Variants in ZAP70 observed in about 807,000 individuals in gnomAD.
The protein encoded by ZAP70 is zeta chain of T cell receptor associated protein kinase 70, also known as tyrosine-protein kinase ZAP-70.
Under a neutral mutation model 65.8 loss-of-function variants are expected in ZAP70, and 27 were observed. The ratio of observed to expected loss-of-function variants is 0.41; its 90% CI spans 0.30 to 0.57. ZAP70 has a LOEUF of 0.57. Among genes scored for constraint, ZAP70 ranks in the 20% least tolerant of loss-of-function variants. ZAP70 has a pLI of 0.28. For synonymous variants in ZAP70, 363 were observed against 360.8 expected (o/e 1.01, Z -0.07); for missense variants, 696 against 870.5 (o/e 0.80, Z 2.52).
At chr2:97,729,947 C>T (rs1677536137) in intron 4 of ZAP70, among the ~76,000 whole-genome samples, 1 of 152,192 alleles carries the variant, frequency 6.6e-6, no homozygotes, top group South Asian at 2.1e-4. Context: ...TCATTTACAG[C>T]CAAGTGTGAT....
the ZAP70 span, among the ~76,000 whole-genome samples, chr2:97,745,784 T>C: frequency 1.3e-5 from 2 of 152,316 alleles, no homozygotes; most frequent in African/African-American, 4.8e-5. Flanking sequence ...GGGCTGACCA[T>C]CGACCCGGCA....
downstream of ZAP70, among the ~76,000 whole-genome samples, chr2:97,741,685 G>A (rs1185645605): frequency 1.3e-5 from 2 of 152,270 alleles, no homozygotes; most frequent in Non-Finnish European, 2.9e-5. Context: ...AACGCAGCCT[G>A]GGCTGGTAAG....
Position 97,737,533 on chromosome 2 carries a change from G to GT in ZAP70, c.1351dup (p.Tyr451LeufsTer11). 1.2e-6 allele frequency: 2 copies of GT among 1,614,164 alleles called. No homozygotes were observed. The highest frequency in any genetic ancestry group is 1.7e-6 in the Non-Finnish European group (2 of 1,179,992). On this transcript the variant is annotated frameshift_variant, in exon 11 of 14. Coordinates refer to ENST00000264972, the MANE Select transcript of ZAP70 (RefSeq NM_001079.4). LOFTEE classifies it high-confidence loss of function. This position sits in a 1 kb window ranked among gnomAD's most constrained non-coding sequence, Gnocchi z 5.0. Reference sequence around the variant, plus strand: ...TGCACCAGGTGTCCATGGGGATGAAGTACCTGGAGGAGAAGAACTTTGTGC... The same window carrying GT: ...TGCACCAGGTGTCCATGGGGATGAAGTTACCTGGAGGAGAAGAACTTTGTGC...
chr2:97,728,410 C>A (rs181831501), intron 4 of ZAP70, among the ~76,000 whole-genome samples: 1 of 152,202 alleles, frequency 6.6e-6, no homozygotes, highest in Non-Finnish European at 1.5e-5. Context: ...CGTCAAGAGA[C>A]GAAGCAGCTA....
At chr2:97,714,699 G>A (rs760191951) in intron 2 of ZAP70, among the ~76,000 whole-genome samples, 22 of 152,204 alleles carry the variant, frequency 1.4e-4, no homozygotes, top group Non-Finnish European at 3.2e-4. Context: ...CATTACTCTC[G>A]TCTTGGTTGG....
chr2:97,734,786 C>T (rs1008492987), intron 9 of ZAP70, 74 bp downstream of exon 9: 18 of 1,572,152 alleles, frequency 1.1e-5, no homozygotes, highest in South Asian at 8.9e-5. Context: ...GGCTGTGGGA[C>T]GGGAGCCGGG....
Position 97,718,593 on chromosome 2 carries a change from G to A in ZAP70, c.-22+4599G>A, listed in dbSNP as rs559470500. The stretch of plus-strand genomic sequence containing the variant: ...GGGACAGGGAAGCTGGGACGCAGCC[G>A]AGATGCACAGGAAGAGAGCCTGCCT... On this transcript the variant is annotated intron_variant, in intron 2 of 13. Coordinates refer to ENST00000264972, the MANE Select transcript of ZAP70 (RefSeq NM_001079.4). Among the ~76,000 whole-genome samples, 30 of 152,252 alleles carry A rather than the reference G, an allele frequency of 2.0e-4. No homozygotes were observed. The East Asian group carries it at 4.4e-3, about 23-fold the overall frequency.
At position 97,734,539 on chromosome 2, in the gene ZAP70, C is replaced by T; in HGVS notation, c.909C>T (p.Asp303=). The part of the protein sequence containing the change: ...TPEPARITSP[D]KPRPMPMDTS... ...GCCCAGCACGCATAACGTCCCCAGA[C>T]AAACCGCGGCCGATGCCCATGGACA... The change falls in exon 9 of 14, where the codon GAC becomes GAT. Residue 303 remains aspartate, a synonymous_variant. Coordinates refer to ENST00000264972, the MANE Select transcript of ZAP70 (RefSeq NM_001079.4). 6.2e-7 allele frequency: 1 copy of T among 1,613,998 alleles called. No homozygotes were observed. Among genetic ancestry groups the T allele is most frequent in the Non-Finnish European group, 8.5e-7 (1 of 1,179,976 alleles).
At chr2:97,726,317 T>C (rs1336729717) in intron 4 of ZAP70, among the ~76,000 whole-genome samples, 1 of 152,212 alleles carries the variant, frequency 6.6e-6, no homozygotes, top group Non-Finnish European at 1.5e-5. Flanking sequence ...GGACACGGGA[T>C]CTTTTCTGTA....
At chr2:97,726,896 C>A (rs1311700955) in intron 4 of ZAP70, among the ~76,000 whole-genome samples, 4 of 152,226 alleles carry the variant, frequency 2.6e-5, no homozygotes, top group Non-Finnish European at 5.9e-5. Context: ...GATTTATTGG[C>A]TCAAAATGAC....
At chr2:97,721,355 A>C (rs1192175089) in intron 2 of ZAP70, among the ~76,000 whole-genome samples, 4 of 152,162 alleles carry the variant, frequency 2.6e-5, no homozygotes, top group Admixed American at 2.0e-4. Context: ...CACTCGATAC[A>C]CATTTTCCCA....
At chr2:97,720,264 G>A (rs1677107663) in intron 2 of ZAP70, among the ~76,000 whole-genome samples, 1 of 152,032 alleles carries the variant, frequency 6.6e-6, no homozygotes, top group African/African-American at 2.4e-5. Context: ...GTTTTGCTCT[G>A]TTGCCCAGGC....
the ZAP70 span, among the ~76,000 whole-genome samples, chr2:97,753,473 C>T: frequency 1.3e-5 from 2 of 152,190 alleles, no homozygotes; most frequent in Admixed American, 6.5e-5. Flanking sequence ...AGACCTTAAC[C>T]TTTTAGCTCC....
At chr2:97,740,664 T>C (rs1678105909), downstream of ZAP70, among the ~76,000 whole-genome samples, 1 of 151,922 alleles carries the variant, frequency 6.6e-6, no homozygotes, top group Non-Finnish European at 1.5e-5. Flanking sequence ...CGAAAGAGGG[T>C]GCAGTTCCGC....
downstream of ZAP70, among the ~76,000 whole-genome samples, chr2:97,741,753 C>T (rs1678136220): frequency 6.6e-6 from 1 of 152,264 alleles, no homozygotes; most frequent in South Asian, 2.1e-4. Context: ...GACCCCCATT[C>T]CCTTTACCGT....
intron 2 of ZAP70, among the ~76,000 whole-genome samples, chr2:97,719,553 T>TGGG (rs148330791): frequency 8.1e-4 from 72 of 89,166 alleles, no homozygotes; most frequent in African/African-American, 2.9e-3. Flanking sequence ...GAGAACAGCC[T>TGGG]GGGGGGGGGG....
At chr2:97,735,934 C>T (rs1463291836) in intron 10 of ZAP70, among the ~76,000 whole-genome samples, 4 of 152,074 alleles carry the variant, frequency 2.6e-5, no homozygotes, top group Non-Finnish European at 5.9e-5. Flanking sequence ...CTTGAACCCA[C>T]GAGGCGGAGC....
Position 97,737,424 on chromosome 2 carries a change from A to C in ZAP70, c.1290-49A>C. On this transcript the variant is annotated intron_variant, in intron 10 of 13. Transcript: ENST00000264972. The surrounding 1 kb of genome is among the most constrained non-coding windows in gnomAD (Gnocchi z 5.0). ...CAGAGAAGCATGCTTTGCCCCTGGG[A>C]ACTTGGCTAGTCTTCTCCCAGCTGA... 1.2e-6 allele frequency: 2 copies of C among 1,602,726 alleles called. No homozygotes were observed. Among genetic ancestry groups the C allele is most frequent in the Non-Finnish European group, 1.7e-6 (2 of 1,169,998 alleles).
intron 2 of ZAP70, among the ~76,000 whole-genome samples, chr2:97,722,111 G>A (rs898723197): frequency 4.7e-5 from 7 of 149,968 alleles, no homozygotes; most frequent in South Asian, 2.1e-4. Flanking sequence ...ACAGAGTTTC[G>A]CGCTTGTTGC....
Sources: allele counts gnomAD v4.1 joint callset (sites outside exome capture counted in the v4.1 genomes callset), GRCh38; gene constraint gnomAD v4.1.1; non-coding constraint Gnocchi (gnomAD v3.1); transcripts MANE v1.5; gene names NCBI Gene and HGNC (gene_info 2026-07-23, HGNC 2026-07-21).